Variants in SLC41A3 observed in about 807,000 individuals in gnomAD.
SLC41A3 encodes the protein SLC41A1-like 2.
A neutral mutation model predicts 45.4 loss-of-function variants in SLC41A3; 44 were observed. That is an observed-to-expected ratio of 0.97 (90% CI 0.76 to 1.25). The LOEUF (loss-of-function observed/expected upper bound fraction) is 1.25. Ranked by LOEUF, SLC41A3 falls within the 50% of genes most tolerant of loss-of-function variation. The probability of loss-of-function intolerance (pLI) is 0.00; values close to 1 mark genes in which losing one functional copy is unlikely to be tolerated. For missense variants in SLC41A3, 550 were observed against 600.6 expected, an observed-to-expected ratio of 0.92 and a Z score of 0.88; for synonymous variants, 256 against 252.4, an observed-to-expected ratio of 1.01 and a Z score of -0.13.
At chr3:126,069,765 A>G (rs112892281) in intron 1 of SLC41A3, among the ~76,000 whole-genome samples, 156 of 152,344 alleles carry the variant, frequency 1.0e-3, no homozygotes, top group African/African-American at 3.6e-3. Context: ...GAGTATCAAT[A>G]TAGAGATGAA....
intron 5 of SLC41A3, chr3:126,025,679 A>G (rs529892364): frequency 1.3e-5 from 2 of 152,378 alleles, no homozygotes; most frequent in Admixed American, 1.3e-4. Flanking sequence ...ACCTCTCTCC[A>G]CTGTGTGAGG....
Position 126,006,989 on chromosome 3 carries a change from T to C in SLC41A3, c.*27A>G. Reference sequence around the variant, plus strand: ...CCACTGATGTGAGAGGAAATTCTAATGAGCAAATGGGACCAGCGGGGCCCA... The same window carrying C: ...CCACTGATGTGAGAGGAAATTCTAACGAGCAAATGGGACCAGCGGGGCCCA... On this transcript the variant is annotated 3_prime_UTR_variant, in exon 11 of 11. Coordinates refer to ENST00000360370, the MANE Select transcript of SLC41A3 (RefSeq NM_017836.4). The C allele has an allele frequency of 6.2e-7, 1 of 1,613,680 alleles. No homozygotes were observed. Among genetic ancestry groups the C allele is most frequent in the Non-Finnish European group, 8.5e-7 (1 of 1,179,706 alleles).
chr3:126,027,144 G>A (rs1334990893), intron 4 of SLC41A3, among the ~76,000 whole-genome samples: 2 of 152,164 alleles, frequency 1.3e-5, no homozygotes, highest in African/African-American at 2.4e-5. Flanking sequence ...TGGCTCTGTA[G>A]CCCCACCAAG....
intron 9 of SLC41A3, among the ~76,000 whole-genome samples, chr3:126,012,314 G>A (rs190139219): frequency 2.2e-4 from 34 of 152,084 alleles, no homozygotes; most frequent in African/African-American, 8.2e-4. Context: ...TTTTAATTAC[G>A]AGCCCACTTG....
chr3:126,015,551 T>G lies in SLC41A3; in HGVS notation c.913A>C (p.Lys305Gln), dbSNP rs202236901. 2.7e-5 allele frequency: 43 copies of G among 1,614,228 alleles called. No individual in the cohort carries two copies. The highest frequency in any genetic ancestry group is 3.6e-5 in the Non-Finnish European group (43 of 1,180,020). ...TTGTACTGCTGTTTAGAAACGGTTT[T>G]GCTCAAGATGAGTCCTCCGAAACTG... is the stretch of plus-strand genomic sequence containing the variant. ...ISSFGGLILS[K>Q]TVSKQQYKGM... is the part of the protein sequence containing the mutation. The change falls in exon 8 of 11, where the codon AAA becomes CAA. Residue 305 changes from lysine to glutamine, a missense_variant. Lys to Gln is a moderately conservative substitution (Grantham distance 53). Transcript: ENST00000360370.
intron 1 of SLC41A3, among the ~76,000 whole-genome samples, chr3:126,076,636 C>A (rs968646914): frequency 2.0e-5 from 3 of 152,174 alleles, no homozygotes; most frequent in Non-Finnish European, 2.9e-5. Context: ...GTTCAAGAAG[C>A]AAAGCATGAC....
intron 6 of SLC41A3, among the ~76,000 whole-genome samples, chr3:126,022,495 G>C (rs564184749): frequency 6.6e-6 from 1 of 152,356 alleles, no homozygotes; most frequent in African/African-American, 2.4e-5. Flanking sequence ...CATGGTGACA[G>C]AACCCAGCGT....
At position 126,055,383 on chromosome 3, in the gene SLC41A3, C is replaced by T. The variant is rs186046686; in HGVS notation, c.274-4333G>A. Among the ~76,000 whole-genome samples the T allele has an allele frequency of 1.1e-4, 17 of 152,056 alleles. No individual in the cohort carries two copies. The East Asian group carries it at 2.9e-3, about 26-fold the overall frequency. On this transcript the variant is annotated intron_variant, in intron 2 of 10. Transcript: ENST00000360370. ...CAAAAAAATTAGCTGGGCCTGGTGG[C>T]GGGCACCTGTAATCCCAGCTACTTG...
In SLC41A3 at chr3:126,006,412, T is replaced by C; in HGVS notation, c.*604A>G. The C allele has an allele frequency of 6.2e-7, 1 of 1,610,108 alleles. No homozygotes were observed. Among genetic ancestry groups the C allele is most frequent in the Non-Finnish European group, 8.5e-7 (1 of 1,178,442 alleles). ...ACTTCTCTGATTATTGAAATCTAAATAGAGGTTTTTGCTAACAAACAAAAA... is the reference window on the plus strand; with the variant it reads ...ACTTCTCTGATTATTGAAATCTAAACAGAGGTTTTTGCTAACAAACAAAAA... On this transcript the variant is annotated 3_prime_UTR_variant, in exon 11 of 11. Transcript: ENST00000360370.
intron 2 of SLC41A3, among the ~76,000 whole-genome samples, chr3:126,060,941 G>C (rs115768426): frequency 6.6e-6 from 1 of 152,204 alleles, no homozygotes; most frequent in Non-Finnish European, 1.5e-5. Context: ...GCAACAGGCC[G>C]CCCAGGCTCC....
chr3:126,100,707 T>C (rs1945691897), intron 1 of SLC41A3, among the ~76,000 whole-genome samples: 1 of 152,238 alleles, frequency 6.6e-6, no homozygotes, highest in Non-Finnish European at 1.5e-5. Context: ...AATTTGTTTC[T>C]GGCATCTGGA....
At chr3:126,062,982 C>A (rs186853120) in intron 2 of SLC41A3, among the ~76,000 whole-genome samples, 2 of 152,120 alleles carry the variant, frequency 1.3e-5, no homozygotes, top group Non-Finnish European at 2.9e-5. Context: ...GGCTGATGGC[C>A]GTAAGTTGTC....
intron 3 of SLC41A3, among the ~76,000 whole-genome samples, chr3:126,035,348 A>G (rs1043857554): frequency 6.6e-6 from 1 of 152,142 alleles, no homozygotes; most frequent in Non-Finnish European, 1.5e-5. Context: ...GGGCTGACCA[A>G]GCTGGTGATG....
intron 4 of SLC41A3, among the ~76,000 whole-genome samples, chr3:126,029,372 C>T (rs1282712979): frequency 6.6e-6 from 1 of 151,338 alleles, no homozygotes. Context: ...GCACTCCCTC[C>T]CCCACCACTC....
At chr3:126,099,783 G>T (rs1945672746) in intron 1 of SLC41A3, among the ~76,000 whole-genome samples, 1 of 152,180 alleles carries the variant, frequency 6.6e-6, no homozygotes, top group Admixed American at 6.5e-5. Context: ...TGCTGTTTTG[G>T]TTGCTCCAAA....
intron 6 of SLC41A3, 63 bp downstream of exon 6, chr3:126,022,723 T>A (rs1940995719): frequency 1.3e-6 from 2 of 1,597,830 alleles, no homozygotes; most frequent in South Asian, 1.1e-5. Flanking sequence ...GCCTCAGTGG[T>A]GACCTGCTCC....
chr3:126,048,181 AAAGAG>A (rs1208597209), intron 3 of SLC41A3, among the ~76,000 whole-genome samples: 3 of 152,210 alleles, frequency 2.0e-5, no homozygotes, highest in African/African-American at 7.2e-5. Flanking sequence ...AAGCTAAAAG[AAAGAG>A]AATTGATAAC....
At chr3:126,055,722 A>T (rs72979484) in intron 2 of SLC41A3, among the ~76,000 whole-genome samples, 6,385 of 152,254 alleles carry the variant, frequency 0.042, 209 homozygotes, top group East Asian at 0.15. Context: ...CAATGATTCC[A>T]ATACGCTGCC....
At chr3:126,027,009 G>A (rs1316737248) in intron 4 of SLC41A3, among the ~76,000 whole-genome samples, 1 of 152,154 alleles carries the variant, frequency 6.6e-6, no homozygotes. Context: ...CCTGCGCCAG[G>A]AGCTGCCCTG....
Sources: gnomAD v4.1 joint callset for allele counts (sites outside exome capture counted in the v4.1 genomes callset) on GRCh38, gnomAD v4.1.1 for gene constraint, MANE v1.5 for transcripts, NCBI Gene and HGNC (gene_info 2026-07-23, HGNC 2026-07-21) for gene names.